Variants in RAB22A observed in about 807,000 individuals in gnomAD.
RAB22A encodes RAB22A, member RAS oncogene family.
In RAB22A, 13 loss-of-function variants were observed where a neutral mutation model predicts 30.2. The observed-to-expected ratio is 0.43, with a 90% CI of 0.28 to 0.68. The LOEUF (loss-of-function observed/expected upper bound fraction) is 0.68, where lower values mean the gene tolerates loss of function less well. Ranked by LOEUF, RAB22A falls within the 30% of genes least tolerant of loss-of-function variation. The pLI is 0.18. For synonymous variants in RAB22A, 89 were observed against 87.2 expected (o/e 1.02, Z -0.11); for missense variants, 177 against 246.8 (o/e 0.72, Z 1.89).
At chr20:58,346,670 T>C (rs1986955563) in intron 3 of RAB22A, among the ~76,000 whole-genome samples, 1 of 152,212 alleles carries the variant, frequency 6.6e-6, no homozygotes, top group Admixed American at 6.5e-5. Context: ...CCTACCTTCA[T>C]TGACAGAATC....
At chr20:58,310,691 G>A (rs2122916043) in intron 1 of RAB22A, among the ~76,000 whole-genome samples, 1 of 152,280 alleles carries the variant, frequency 6.6e-6, no homozygotes, top group Middle Eastern at 3.4e-3. Flanking sequence ...CCCCAAATAG[G>A]GTGGGGCTAG....
rs1987288807 is a variant in RAB22A at position 58,364,926 on chromosome 20, G to C, written c.*5223G>C. 6.6e-6 allele frequency: 1 copy of C among 151,762 alleles called. No homozygotes were observed. The highest frequency in any genetic ancestry group is 2.4e-5 in the African/African-American group (1 of 41,292). 9.4% of individuals were successfully genotyped at this position (151,762 alleles called of 1,614,324 possible). A position where few individuals can be genotyped will look rare whatever the true frequency, so the allele number is the denominator to read the frequency against. ...ATTTTTGTATTTTTAGTAGAGATGG[G>C]GTTTCACCATGTTTGCCAGGCTGGT... is the stretch of plus-strand genomic sequence containing the variant. On this transcript the variant is annotated 3_prime_UTR_variant, in exon 7 of 7. Transcript: ENST00000244040.
intron 3 of RAB22A, among the ~76,000 whole-genome samples, chr20:58,350,975 G>T (rs1987038724): frequency 6.6e-6 from 1 of 152,186 alleles, no homozygotes; most frequent in Non-Finnish European, 1.5e-5. Context: ...AGGATAACAA[G>T]AAATTAGACT....
intron 3 of RAB22A, among the ~76,000 whole-genome samples, chr20:58,352,971 A>T (rs549940232): frequency 6.3e-4 from 96 of 152,364 alleles, no homozygotes; most frequent in African/African-American, 2.2e-3. Context: ...GAACAAATGA[A>T]TTTGGGAATT....
Position 58,309,814 on chromosome 20 carries a change from G to T in RAB22A, c.-163G>T. The T allele has an allele frequency of 1.7e-6, 1 of 582,654 alleles. No individual in the cohort carries two copies. Among genetic ancestry groups the T allele is most frequent in the Non-Finnish European group, 2.5e-6 (1 of 398,220 alleles). 36.1% of individuals were successfully genotyped at this position (582,654 alleles called of 1,614,324 possible). A position where few individuals can be genotyped will look rare whatever the true frequency, so the allele number is the denominator to read the frequency against. ...AGGCGGGCCCCACGCGGCTGGCAGC[G>T]GACAGGCCGGACCTACGGCCGGAGG... On this transcript the variant is annotated 5_prime_UTR_variant, in exon 1 of 7. Coordinates refer to ENST00000244040, the MANE Select transcript of RAB22A (RefSeq NM_020673.3).
chr20:58,313,868 A>G (rs1224908100), intron 2 of RAB22A, among the ~76,000 whole-genome samples: 21 of 152,156 alleles, frequency 1.4e-4, no homozygotes, highest in Admixed American at 1.3e-3. Flanking sequence ...TGGGGCTACA[A>G]TGACCAACTT....
chr20:58,325,923 A>G (rs768434088), intron 2 of RAB22A, among the ~76,000 whole-genome samples: 19 of 152,126 alleles, frequency 1.2e-4, no homozygotes, highest in Non-Finnish European at 2.4e-4. Context: ...TTTATAAGTT[A>G]CTAAGAGGAA....
chr20:58,323,944 GAC>G (rs1439977999), intron 2 of RAB22A, among the ~76,000 whole-genome samples: 1 of 151,792 alleles, frequency 6.6e-6, no homozygotes, highest in African/African-American at 2.4e-5. Flanking sequence ...CTTAGGTCAG[GAC>G]ATGTTATTTT....
intron 2 of RAB22A, among the ~76,000 whole-genome samples, chr20:58,325,781 G>C (rs779885851): frequency 6.6e-6 from 1 of 152,142 alleles, no homozygotes; most frequent in Non-Finnish European, 1.5e-5. Flanking sequence ...CCTGGTAAAT[G>C]TTCCATGTTT....
Position 58,367,261 on chromosome 20 carries a change from ATTG to A in RAB22A, c.*7561_*7563del, listed in dbSNP as rs1474776143. 6.6e-6 allele frequency: 1 copy of A among 152,178 alleles called. No individual in the cohort carries two copies. Among genetic ancestry groups the A allele is most frequent in the Non-Finnish European group, 1.5e-5 (1 of 68,008 alleles). 9.4% of individuals were successfully genotyped at this position (152,178 alleles called of 1,614,324 possible). On this transcript the variant is annotated 3_prime_UTR_variant, in exon 7 of 7. Coordinates refer to ENST00000244040, the MANE Select transcript of RAB22A (RefSeq NM_020673.3). ...TGTATGTAAACCATATGATGCCTGT[ATTG>A]TTTATAGATGCTGACAAAAGAAAAC...
chr20:58,318,393 C>A (rs1986385583), intron 2 of RAB22A, among the ~76,000 whole-genome samples: 1 of 152,070 alleles, frequency 6.6e-6, no homozygotes, highest in Non-Finnish European at 1.5e-5. Context: ...GGTTGAGTAT[C>A]CCAAATACAA....
chr20:58,352,790 C>T (rs1464912679), intron 3 of RAB22A, among the ~76,000 whole-genome samples: 1 of 152,202 alleles, frequency 6.6e-6, no homozygotes, highest in East Asian at 1.9e-4. Flanking sequence ...AAGTTGCAAA[C>T]TCATCCAAGT....
At chr20:58,353,233 A>C in intron 3 of RAB22A, 40 bp from the exon 4 acceptor site, 6 of 1,548,380 alleles carry the variant, frequency 3.9e-6, no homozygotes, top group Non-Finnish European at 5.3e-6. Context: ...ATATTTAACC[A>C]GTTTTCCCAA....
chr20:58,365,424 A>G lies in RAB22A; in HGVS notation c.*5721A>G, dbSNP rs1600748993. The G allele has an allele frequency of 6.6e-6, 1 of 152,286 alleles. No homozygotes were observed. Among genetic ancestry groups the G allele is most frequent in the Admixed American group, 6.5e-5 (1 of 15,296 alleles). 9.4% of individuals were successfully genotyped at this position (152,286 alleles called of 1,614,324 possible). On this transcript the variant is annotated 3_prime_UTR_variant, in exon 7 of 7. Transcript: ENST00000244040. ...TGCTTTGGGGCTTAATCCTAGTATC[A>G]TTTGGCCATTAATTTTTAATTAAGT...
At position 58,309,738 on chromosome 20, in the gene RAB22A, G is replaced by C. The variant is rs557284962; in HGVS notation, c.-239G>C. 7 of 242,996 alleles carry C rather than the reference G, an allele frequency of 2.9e-5. No homozygotes were observed. Among genetic ancestry groups the C allele is most frequent in the Non-Finnish European group, 5.4e-5 (7 of 128,456 alleles). The allele number at this position is 242,996 out of a possible 1,614,324, so 15.1% of individuals were successfully genotyped here. A position where few individuals can be genotyped will look rare whatever the true frequency, so the allele number is the denominator to read the frequency against. On this transcript the variant is annotated 5_prime_UTR_variant, in exon 1 of 7. Coordinates refer to ENST00000244040, the MANE Select transcript of RAB22A (RefSeq NM_020673.3). The stretch of plus-strand genomic sequence containing the variant: ...TCAGGTGACGCGGCCGGCGTCCCAA[G>C]ATGGCGGCGGCGGCGGCTCCCGGAA...
intron 2 of RAB22A, among the ~76,000 whole-genome samples, chr20:58,315,178 C>T (rs1031266271): frequency 5.3e-5 from 8 of 152,190 alleles, no homozygotes; most frequent in Non-Finnish European, 8.8e-5. Context: ...CTTCCTGCTT[C>T]ATAACCGTGC....
At chr20:58,343,169 A>T (rs1364872242) in intron 2 of RAB22A, among the ~76,000 whole-genome samples, 1 of 152,086 alleles carries the variant, frequency 6.6e-6, no homozygotes, top group African/African-American at 2.4e-5. Flanking sequence ...GGCACTGATG[A>T]TGAATCGGGT....
chr20:58,333,004 T>A (rs1032470431), intron 2 of RAB22A, among the ~76,000 whole-genome samples: 1 of 151,134 alleles, frequency 6.6e-6, no homozygotes, highest in Non-Finnish European at 1.5e-5. Context: ...ATAGGCGGGG[T>A]GTGGTGGCTC....
In RAB22A at chr20:58,323,614, CT is replaced by C. The variant is rs144081929; in HGVS notation, c.116+12502del. On this transcript the variant is annotated intron_variant, in intron 2 of 6. Transcript: ENST00000244040. ...ATTCCTATCACATTACAAACGTGCC[CT>C]TTTTTTTTTCTTTTTTTTTCTTTTT... Among the ~76,000 whole-genome samples the C allele has an allele frequency of 9.7e-3, 1,384 of 143,072 alleles. 26 individuals are homozygous for C. Among genetic ancestry groups the C allele is most frequent in the Middle Eastern group, 0.033 (9 of 270 alleles). The allele number at this position is 143,072 out of a possible 152,430, so 93.9% of individuals were successfully genotyped here.
Sources: gnomAD v4.1 joint callset for allele counts (sites outside exome capture counted in the v4.1 genomes callset) on GRCh38, gnomAD v4.1.1 for gene constraint, MANE v1.5 for transcripts, NCBI Gene and HGNC (gene_info 2026-07-23, HGNC 2026-07-21) for gene names.